The following FIP1L1 variants were observed in gnomAD, a reference collection of about 807,000 sequenced individuals.
FIP1L1 encodes the protein pre-mRNA 3'-end-processing factor FIP1.
Under a neutral mutation model 84.6 loss-of-function variants are expected in FIP1L1, and 21 were observed. The ratio of observed to expected loss-of-function variants is 0.25; its 90% confidence interval spans 0.18 to 0.36. FIP1L1 has a LOEUF of 0.36. FIP1L1 is among the 10% of genes least tolerant of loss of function. The pLI, the probability that FIP1L1 is intolerant of heterozygous loss-of-function variation, is 1.00. For missense variants in FIP1L1, 526 were observed against 751.1 expected (o/e 0.70, Z 3.50); for synonymous variants, 263 against 242.3 (o/e 1.09, Z -0.80).
In FIP1L1 at chr4:53,459,277, CTTT is replaced by C. The variant is rs3067115; in HGVS notation, c.1638-7_1638-5del. 5,980 of 967,124 alleles carry C rather than the reference CTTT, an allele frequency of 6.2e-3. No individual in the cohort carries two copies. The highest frequency in any genetic ancestry group is 8.4e-3 in the East Asian group (267 of 31,658). 59.9% of individuals were successfully genotyped at this position (967,124 alleles called of 1,614,324 possible). A position where few individuals can be genotyped will look rare whatever the true frequency, so the allele number is the denominator to read the frequency against. ...GATTGTGTATTTAAACAGAACACAC[CTTT>C]TTTTTTTTTTTTTTTTTCCAGTAAT... On this transcript the variant is annotated intron_variant, in intron 17 of 17. Coordinates refer to ENST00000337488, the MANE Select transcript of FIP1L1 (RefSeq NM_030917.4).
At chr4:53,391,634 A>T (rs1184568600) in intron 9 of FIP1L1, 136 bp downstream of exon 9, 20 of 620,492 alleles carry the variant, frequency 3.2e-5, no homozygotes. Flanking sequence ...GGTGACTTAC[A>T]AATTTGCTGA....
intron 9 of FIP1L1, among the ~76,000 whole-genome samples, chr4:53,392,196 C>CT (rs1462038717): frequency 6.6e-6 from 1 of 152,166 alleles, no homozygotes; most frequent in Non-Finnish European, 1.5e-5. Flanking sequence ...ATTGTGTACT[C>CT]TTTTTTCTTT....
chr4:53,400,974 G>T (rs1447437452), intron 10 of FIP1L1, among the ~76,000 whole-genome samples: 3 of 152,284 alleles, frequency 2.0e-5, no homozygotes, highest in South Asian at 2.1e-4. Context: ...GATGGTAACA[G>T]CTTGGACTCT....
intron 5 of FIP1L1, among the ~76,000 whole-genome samples, chr4:53,385,569 A>G (rs1740553716): frequency 6.6e-6 from 1 of 152,120 alleles, no homozygotes; most frequent in Non-Finnish European, 1.5e-5. Flanking sequence ...AAATACAGTT[A>G]AGTGTGCAGT....
chr4:53,433,107 T>C (rs1767486728), intron 13 of FIP1L1, among the ~76,000 whole-genome samples: 1 of 152,222 alleles, frequency 6.6e-6, no homozygotes, highest in East Asian at 1.9e-4. Flanking sequence ...TGTTATAGGG[T>C]AGGTGATTTT....
At chr4:53,414,061 A>G (rs896577652) in intron 10 of FIP1L1, among the ~76,000 whole-genome samples, 2 of 152,200 alleles carry the variant, frequency 1.3e-5, no homozygotes, top group African/African-American at 2.4e-5. Flanking sequence ...TGAACTTTTT[A>G]TGAAGTATGT....
At chr4:53,424,893 C>G (rs1367628449) in intron 11 of FIP1L1, among the ~76,000 whole-genome samples, 1 of 152,070 alleles carries the variant, frequency 6.6e-6, no homozygotes, top group African/African-American at 2.4e-5. Flanking sequence ...TTGTCTCTAA[C>G]AAGTATACAG....
intron 9 of FIP1L1, among the ~76,000 whole-genome samples, chr4:53,395,976 T>C (rs1468892979): frequency 6.6e-6 from 1 of 151,664 alleles, no homozygotes; most frequent in African/African-American, 2.4e-5. Flanking sequence ...TGGAGTGCAA[T>C]GGTGTGATCT....
intron 11 of FIP1L1, among the ~76,000 whole-genome samples, chr4:53,424,750 G>A (rs1180295930): frequency 6.6e-6 from 1 of 152,038 alleles, no homozygotes; most frequent in East Asian, 1.9e-4. Context: ...TTCCTCAAAG[G>A]TCTTGCTGGA....
Position 53,442,664 on chromosome 4 carries a change from C to A in FIP1L1, c.1186C>A (p.Pro396Thr). 6.2e-7 allele frequency: 1 copy of A among 1,604,320 alleles called. No homozygotes were observed. ...PLIPPPGFPP[P>T]PGAPPPSLIP... ...ATTGAATGTTTCAGGTTTTCCTCCT[C>A]CACCAGGCGCTCCACCTCCATCTCT... The change falls in exon 14 of 18, where the codon CCA becomes ACA. Residue 396 changes from proline (P) to threonine (T), a missense_variant. Pro to Thr is a conservative substitution (Grantham distance 38). Around this residue, in one of 6 missense-constraint regions of FIP1L1, gnomAD observed 83 missense variants for 93.8 expected, o/e 0.88. Transcript: ENST00000337488.
chr4:53,428,639 G>A (rs1765287687), intron 13 of FIP1L1, among the ~76,000 whole-genome samples: 1 of 152,144 alleles, frequency 6.6e-6, no homozygotes, highest in African/African-American at 2.4e-5. Flanking sequence ...CTGCTACTGG[G>A]TGCCTGGTAT....
intron 10 of FIP1L1, among the ~76,000 whole-genome samples, chr4:53,401,258 A>G (rs1750113349): frequency 6.6e-6 from 1 of 151,990 alleles, no homozygotes; most frequent in Non-Finnish European, 1.5e-5. Context: ...TTGTTTTTTT[A>G]TTGTTGATTG....
intron 13 of FIP1L1, among the ~76,000 whole-genome samples, chr4:53,436,593 G>C (rs1378120700): frequency 6.6e-6 from 1 of 152,052 alleles, no homozygotes; most frequent in African/African-American, 2.4e-5. Context: ...CCCCACACAG[G>C]ACATAAATAC....
chr4:53,458,508 C>T (rs1180962062), intron 16 of FIP1L1, 145 bp from the exon 17 acceptor site: 5 of 644,430 alleles, frequency 7.8e-6, no homozygotes, highest in Admixed American at 3.4e-5. Context: ...CTCAATTCAA[C>T]GAATATTTCT....
intron 3 of FIP1L1, among the ~76,000 whole-genome samples, chr4:53,381,309 C>G (rs1053077910): frequency 2.6e-5 from 4 of 152,124 alleles, no homozygotes; most frequent in African/African-American, 7.2e-5. Flanking sequence ...AGAATTTGCC[C>G]GTTTCCTACT....
intron 10 of FIP1L1, among the ~76,000 whole-genome samples, chr4:53,403,799 T>C (rs1200476860): frequency 1.3e-5 from 2 of 152,156 alleles, no homozygotes; most frequent in Non-Finnish European, 2.9e-5. Flanking sequence ...CATTGCAGTT[T>C]TTGGTGCATC....
Position 53,458,479 on chromosome 4 carries a change from G to A in FIP1L1, c.1500-174G>A, listed in dbSNP as rs1207839492. 2.1e-5 allele frequency: 11 copies of A among 513,000 alleles called. No homozygotes were observed. In the East Asian group the frequency reaches 3.4e-4, roughly 16 times the overall value. The allele number at this position is 513,000 out of a possible 1,614,324, so 31.8% of individuals were successfully genotyped here. A position where few individuals can be genotyped will look rare whatever the true frequency, so the allele number is the denominator to read the frequency against. On this transcript the variant is annotated intron_variant, in intron 16 of 17. Coordinates refer to ENST00000337488, the MANE Select transcript of FIP1L1 (RefSeq NM_030917.4). ...ATTCTTAGCTCTAGTGCTATTTTGA[G>A]AACAAGCATTATTTTCCTCTCAATT...
In FIP1L1 at chr4:53,384,488, T is replaced by G. The variant is rs771989385; in HGVS notation, c.332+612T>G. Among the ~76,000 whole-genome samples the G allele has an allele frequency of 3.3e-5, 5 of 152,226 alleles. 1 individual carries two copies. Among genetic ancestry groups the G allele is most frequent in the Non-Finnish European group, 5.9e-5 (4 of 68,038 alleles). ...TTAAATTGTAATTTGTATCTGTACT[T>G]ATTATTATTTCACTTTATTATCCAG... On this transcript the variant is annotated intron_variant, in intron 5 of 17. Transcript: ENST00000337488.
intron 10 of FIP1L1, among the ~76,000 whole-genome samples, chr4:53,411,310 C>T (rs1441196724): frequency 6.6e-6 from 1 of 151,972 alleles, no homozygotes; most frequent in African/African-American, 2.4e-5. Flanking sequence ...TACTAAAAAA[C>T]GAAAAATGAA....
Sources: allele counts gnomAD v4.1 joint callset (sites outside exome capture counted in the v4.1 genomes callset), GRCh38; gene constraint gnomAD v4.1.1; regional missense constraint gnomAD v4.1.1; transcripts MANE v1.5; gene names NCBI Gene and HGNC (gene_info 2026-07-23, HGNC 2026-07-21).